CTNNBL1: variants seen among roughly 807,000 people sequenced by gnomAD.
The protein encoded by CTNNBL1 is catenin beta like 1.
A neutral mutation model predicts 72.7 loss-of-function variants in CTNNBL1; 31 were observed. The observed-to-expected ratio is 0.43, with a 90% CI of 0.32 to 0.58. The LOEUF (loss-of-function observed/expected upper bound fraction) is 0.58. Ranked by LOEUF, CTNNBL1 falls within the 20% of genes least tolerant of loss-of-function variation. The pLI is 0.08. For synonymous variants in CTNNBL1, 240 were observed against 267.3 expected (o/e 0.90, Z 1.00); for missense variants, 534 against 725.1 (o/e 0.74, Z 3.03).
chr20:37,843,900 A>G (rs935530023), intron 13 of CTNNBL1, among the ~76,000 whole-genome samples: 16 of 152,210 alleles, frequency 1.1e-4, no homozygotes, highest in South Asian at 2.1e-4. Context: ...TACTACTGCA[A>G]GATAAAAGGC....
chr20:37,780,925 A>T (rs1454221035), intron 10 of CTNNBL1, among the ~76,000 whole-genome samples: 1 of 152,160 alleles, frequency 6.6e-6, no homozygotes, highest in African/African-American at 2.4e-5. Flanking sequence ...CTTACTGTGT[A>T]TATTTCTAAA....
intron 11 of CTNNBL1, among the ~76,000 whole-genome samples, chr20:37,822,271 A>G (rs187692995): frequency 2.4e-3 from 369 of 151,866 alleles, no homozygotes; most frequent in African/African-American, 8.6e-3. Flanking sequence ...TGACATGGCC[A>G]GGCTGAGGGG....
intron 7 of CTNNBL1, among the ~76,000 whole-genome samples, chr20:37,770,475 G>A (rs1014323454): frequency 1.3e-5 from 2 of 151,998 alleles, no homozygotes; most frequent in Non-Finnish European, 2.9e-5. Flanking sequence ...CTGTTATGTC[G>A]GGACAGATTT....
chr20:37,871,765 G>A (rs532707077), intron 15 of CTNNBL1, among the ~76,000 whole-genome samples, 160 bp from the exon 16 acceptor site: 1 of 152,220 alleles, frequency 6.6e-6, no homozygotes, highest in Non-Finnish European at 1.5e-5. Context: ...TTTCCACTGA[G>A]GCCTCAAAGG....
intron 11 of CTNNBL1, among the ~76,000 whole-genome samples, chr20:37,837,371 A>C (rs540723615): frequency 6.6e-6 from 1 of 152,152 alleles, no homozygotes; most frequent in Non-Finnish European, 1.5e-5. Context: ...CCAGCTTTAC[A>C]TAAAAGTTGA....
At position 37,744,825 on chromosome 20, in the gene CTNNBL1, G is replaced by C. The variant is rs934426678; in HGVS notation, c.327-1643G>C. 7 of 152,188 alleles carry C rather than the reference G, an allele frequency of 4.6e-5. No homozygotes were observed. In the East Asian group the frequency reaches 1.4e-3, roughly 29 times the overall value. 9.4% of individuals were successfully genotyped at this position (152,188 alleles called of 1,614,324 possible). On this transcript the variant is annotated intron_variant, in intron 3 of 15. Transcript: ENST00000361383. Reference sequence around the variant, plus strand: ...TATATACTATATAGGCTTACTTTTTGGGGGGAAAGTCTGTGAGTTGAGAAG... The same window carrying C: ...TATATACTATATAGGCTTACTTTTTCGGGGGAAAGTCTGTGAGTTGAGAAG...
chr20:37,718,308 G>A (rs373215258), intron 1 of CTNNBL1, among the ~76,000 whole-genome samples: 2,965 of 118,154 alleles, frequency 0.025, 49 homozygotes, highest in Middle Eastern at 0.043. Context: ...CCTCCCTCCC[G>A]GACGGGGCGG....
chr20:37,810,953 T>C (rs2072007173), intron 11 of CTNNBL1, among the ~76,000 whole-genome samples: 2 of 152,176 alleles, frequency 1.3e-5, no homozygotes, highest in African/African-American at 2.4e-5. Context: ...CTCATAAGGG[T>C]AACAAGTGAA....
At chr20:37,695,480 C>T (rs748454883) in intron 1 of CTNNBL1, among the ~76,000 whole-genome samples, 2 of 152,166 alleles carry the variant, frequency 1.3e-5, no homozygotes, top group African/African-American at 2.4e-5. Context: ...AGGTATGAGC[C>T]ACCACACACC....
At chr20:37,767,251 G>A (rs181527267) in intron 6 of CTNNBL1, among the ~76,000 whole-genome samples, 57 of 151,790 alleles carry the variant, frequency 3.8e-4, no homozygotes, top group Non-Finnish European at 6.0e-4. Flanking sequence ...AGGACTCTAG[G>A]TGATTAAAAA....
chr20:37,768,038 G>A lies in CTNNBL1; in HGVS notation c.744G>A (p.Arg248=), dbSNP rs1268948270. The change falls in exon 7 of 16, where the codon AGG becomes AGA. Residue 248 remains arginine, a synonymous_variant. Coordinates refer to ENST00000361383, the MANE Select transcript of CTNNBL1 (RefSeq NM_030877.5). The stretch of plus-strand genomic sequence containing the variant: ...GTCTTCTACAGTGGCTGTTGAAGAG[G>A]CTGAAGGTGAGTTTGGCTGTGGGGA... ...QQGLLQWLLK[R]LKAKMPFDAN... is the part of the protein sequence containing the mutation. 3 of 1,613,752 alleles carry A rather than the reference G, an allele frequency of 1.9e-6. No homozygotes were observed. The highest frequency in any genetic ancestry group is 2.2e-5 in the East Asian group (1 of 44,876).
intron 1 of CTNNBL1, among the ~76,000 whole-genome samples, chr20:37,696,786 A>C (rs1020872634): frequency 3.4e-4 from 51 of 152,162 alleles, no homozygotes; most frequent in African/African-American, 1.2e-3. Context: ...TGCTGATTAC[A>C]TGTTGAATAA....
At chr20:37,793,631 C>CACACCTGTGGGGT (rs2073745293) in intron 10 of CTNNBL1, among the ~76,000 whole-genome samples, 1 of 152,228 alleles carries the variant, frequency 6.6e-6, no homozygotes, top group Non-Finnish European at 1.5e-5. Flanking sequence ...AGTGCATGCA[C>CACACCTGTGGGGT]ACACCTGTGG....
chr20:37,733,136 T>A, intron 2 of CTNNBL1, 69 bp downstream of exon 2: 1 of 1,366,912 alleles, frequency 7.3e-7, no homozygotes, highest in Non-Finnish European at 1.0e-6. Flanking sequence ...GGCCAAATAC[T>A]AAGCTTGTCT....
chr20:37,855,813 A>G (rs1189181364), intron 13 of CTNNBL1, among the ~76,000 whole-genome samples: 1 of 152,218 alleles, frequency 6.6e-6, no homozygotes, highest in Non-Finnish European at 1.5e-5. Context: ...TCCAAGGCAC[A>G]GTCCTTCCCC....
At chr20:37,715,998 AT>A (rs11370851) in intron 1 of CTNNBL1, among the ~76,000 whole-genome samples, 10 of 149,334 alleles carry the variant, frequency 6.7e-5, no homozygotes, top group African/African-American at 1.0e-4. Context: ...GTTTTTGGGT[AT>A]TTTTTTTTTA....
intron 10 of CTNNBL1, 138 bp from the exon 11 acceptor site, chr20:37,802,720 ATTGTAGACG>A: frequency 1.7e-6 from 1 of 590,332 alleles, no homozygotes; most frequent in Non-Finnish European, 2.9e-6. Context: ...TGTCCACCCT[ATTGTAGACG>A]TCTTCTCCTA....
At chr20:37,859,336 G>A (rs2072469402) in intron 13 of CTNNBL1, among the ~76,000 whole-genome samples, 1 of 148,968 alleles carries the variant, frequency 6.7e-6, no homozygotes, top group African/African-American at 2.5e-5. Context: ...CAGCCTGGGG[G>A]ACAAGAGCAA....
intron 11 of CTNNBL1, among the ~76,000 whole-genome samples, chr20:37,806,467 G>C (rs986557405): frequency 7.2e-5 from 11 of 152,316 alleles, no homozygotes; most frequent in African/African-American, 2.6e-4. Flanking sequence ...AAGGTGATCT[G>C]TCTTCAAAAA....
Sources: gnomAD v4.1 joint callset for allele counts (sites outside exome capture counted in the v4.1 genomes callset) on GRCh38, gnomAD v4.1.1 for gene constraint, MANE v1.5 for transcripts, NCBI Gene and HGNC (gene_info 2026-07-23, HGNC 2026-07-21) for gene names.